Variants in MRPS33 observed in about 807,000 individuals in gnomAD.
MRPS33 encodes the protein mitochondrial ribosomal protein S33.
A neutral mutation model predicts 11.2 loss-of-function variants in MRPS33; 11 were observed. The ratio of observed to expected loss-of-function variants is 0.99; its 90% CI spans 0.62 to 1.63. The LOEUF (loss-of-function observed/expected upper bound fraction) is 1.63. MRPS33 is among the 40% of genes most tolerant of loss of function. The pLI is 0.00. For missense variants in MRPS33, 109 were observed against 127.8 expected (o/e 0.85, Z 0.71); for synonymous variants, 46 against 44.0 (o/e 1.05, Z -0.18).
In MRPS33 at chr7:141,004,669, T is replaced by C. The variant is rs1347586125; in HGVS notation, c.*1761A>G. ...GTTAAGATCATTAATTTTATGTTTT[T>C]ACTACAATAATAAAAAGTTATTAAA... On this transcript the variant is annotated 3_prime_UTR_variant, in exon 3 of 3. Transcript: ENST00000324787. The C allele has an allele frequency of 6.6e-6, 1 of 152,236 alleles. No individual in the cohort carries two copies. Among genetic ancestry groups the C allele is most frequent in the East Asian group, 1.9e-4 (1 of 5,206 alleles). 9.4% of individuals were successfully genotyped at this position (152,236 alleles called of 1,614,324 possible).
At chr7:141,010,781 A>T in intron 1 of MRPS33, 121 bp from the exon 2 acceptor site, 1 of 728,376 alleles carries the variant, frequency 1.4e-6, no homozygotes, top group Non-Finnish European at 2.3e-6. Context: ...TGTTGGCAGG[A>T]TATGCCTTGG....
chr7:141,010,951 T>C (rs568761665), intron 1 of MRPS33, among the ~76,000 whole-genome samples: 21 of 152,370 alleles, frequency 1.4e-4, no homozygotes, highest in Admixed American at 1.2e-3. Context: ...ACAGTCAGTT[T>C]ACCTATTTGT....
At chr7:141,014,496 C>G (rs762312664) in intron 1 of MRPS33, 1 of 152,150 alleles carries the variant, frequency 6.6e-6, no homozygotes, top group Non-Finnish European at 1.5e-5. Flanking sequence ...TCAAGTCAAC[C>G]GATGTTTGAC....
At position 141,003,185 on chromosome 7, in the gene MRPS33, T is replaced by C. The variant is rs1820446407; in HGVS notation, c.*3245A>G. On this transcript the variant is annotated 3_prime_UTR_variant, in exon 3 of 3. Coordinates refer to ENST00000324787, the MANE Select transcript of MRPS33 (RefSeq NM_053035.3). ...ATCCCCACAGGTTAGAAAGCACCAA[T>C]AGTTTAGGTTTTGACCAGAGAAATC... is the stretch of plus-strand genomic sequence containing the variant. 6.6e-6 allele frequency: 1 copy of C among 152,232 alleles called. No individual in the cohort carries two copies. 9.4% of individuals were successfully genotyped at this position (152,232 alleles called of 1,614,324 possible). A position where few individuals can be genotyped will look rare whatever the true frequency, so the allele number is the denominator to read the frequency against.
At chr7:141,012,364 T>C (rs1026804146) in intron 1 of MRPS33, among the ~76,000 whole-genome samples, 4 of 152,080 alleles carry the variant, frequency 2.6e-5, no homozygotes, top group Admixed American at 1.3e-4. Context: ...TGTTCTTCCT[T>C]TTCCATTCAG....
At chr7:141,011,126 C>T (rs1267682062) in intron 1 of MRPS33, among the ~76,000 whole-genome samples, 1 of 152,170 alleles carries the variant, frequency 6.6e-6, no homozygotes, top group Non-Finnish European at 1.5e-5. Context: ...TACTATCAGT[C>T]CTTTGAACAC....
At chr7:141,007,098 A>G (rs1364257935) in intron 2 of MRPS33, among the ~76,000 whole-genome samples, 2 of 152,212 alleles carry the variant, frequency 1.3e-5, no homozygotes, top group African/African-American at 4.8e-5. Context: ...AGCAGCCAGG[A>G]CTACGTAAGT....
intron 1 of MRPS33, among the ~76,000 whole-genome samples, chr7:141,012,071 TGAG>T (rs924407413): frequency 6.9e-5 from 10 of 145,534 alleles, no homozygotes; most frequent in East Asian, 4.2e-4. Flanking sequence ...TCGTGGAGGC[TGAG>T]GAGGGGGACA....
chr7:141,007,896 A>G (rs1272202640), intron 2 of MRPS33, among the ~76,000 whole-genome samples: 1 of 152,108 alleles, frequency 6.6e-6, no homozygotes, highest in Non-Finnish European at 1.5e-5. Context: ...TCAACTTTGT[A>G]ACAGATCCTA....
chr7:141,010,571 T>C lies in MRPS33; in HGVS notation c.63A>G (p.Glu21=), dbSNP rs991251295. 6.2e-6 allele frequency: 10 copies of C among 1,614,066 alleles called. No homozygotes were observed. The highest frequency in any genetic ancestry group is 8.5e-6 in the Non-Finnish European group (10 of 1,180,036). Residue 21 remains glutamate, a synonymous_variant, in exon 2 of 3, where the codon GAA becomes GAG. Coordinates refer to ENST00000324787, the MANE Select transcript of MRPS33 (RefSeq NM_053035.3). ...MSRLSARLFG[E]VTRPTNSKSM... Reference sequence around the variant, plus strand: ...ACTTGGAATTAGTAGGCCTGGTGACTTCACCAAATAGCCGGGCACTGAGAC... The same window carrying C: ...ACTTGGAATTAGTAGGCCTGGTGACCTCACCAAATAGCCGGGCACTGAGAC...
Position 141,003,126 on chromosome 7 carries a change from C to G in MRPS33, c.*3304G>C, listed in dbSNP as rs1363747824. On this transcript the variant is annotated 3_prime_UTR_variant, in exon 3 of 3. Transcript: ENST00000324787. Reference sequence around the variant, plus strand: ...AACCCAGTCTTTTTACTATGTTATGCTGAAATCGAGGGCAAAATGGTCTAT... The same window carrying G: ...AACCCAGTCTTTTTACTATGTTATGGTGAAATCGAGGGCAAAATGGTCTAT... 2.6e-5 allele frequency: 4 copies of G among 152,264 alleles called. No homozygotes were observed. The East Asian group carries it at 7.7e-4, about 29-fold the overall frequency. The allele number at this position is 152,264 out of a possible 1,614,324, so 9.4% of individuals were successfully genotyped here. A position where few individuals can be genotyped will look rare whatever the true frequency, so the allele number is the denominator to read the frequency against.
chr7:141,006,603 C>G, intron 2 of MRPS33, 68 bp from the exon 3 acceptor site: 1 of 1,251,374 alleles, frequency 8.0e-7, no homozygotes, highest in Non-Finnish European at 1.2e-6. Context: ...TAATCTAGCA[C>G]GCACTGCTCT....
intron 2 of MRPS33, 91 bp from the exon 3 acceptor site, chr7:141,006,626 T>C: frequency 9.4e-7 from 1 of 1,060,632 alleles, no homozygotes; most frequent in East Asian, 2.4e-5. Flanking sequence ...TAGGTCATTC[T>C]GGTTATCGAT....
In MRPS33 at chr7:141,009,436, CT is replaced by C. The variant is rs61410427; in HGVS notation, c.215+982del. ...CCTGAGCCATTGTGCCTGGCCTGATCTTTTTTTTTTTTTCAGAGATGCACAC... is the reference window on the plus strand; with the variant it reads ...CCTGAGCCATTGTGCCTGGCCTGATCTTTTTTTTTTTTCAGAGATGCACAC... On this transcript the variant is annotated intron_variant, in intron 2 of 2. Transcript: ENST00000324787. 8.1e-4 allele frequency among the ~76,000 whole-genome samples: 121 copies of C among 149,940 alleles called. 3 individuals carry two copies. The East Asian group carries it at 0.011, about 14-fold the overall frequency.
chr7:141,008,444 A>T lies in MRPS33; in HGVS notation c.216-1909T>A, dbSNP rs143620932. On this transcript the variant is annotated intron_variant, in intron 2 of 2. Transcript: ENST00000324787. ...AGGTAGTCCCAAAGCAATTCCAAAC[A>T]TTCAAAACATGTCATAGATTGTAAC... Among the ~76,000 whole-genome samples, 685 of 152,310 alleles carry T rather than the reference A, an allele frequency of 4.5e-3. 9 individuals carry two copies. Among genetic ancestry groups the T allele is most frequent in the African/African-American group, 0.015 (607 of 41,568 alleles).
Position 141,006,033 on chromosome 7 carries a change from A to C in MRPS33, c.*397T>G, listed in dbSNP as rs185450582. ...GTGGAGACAGTGGCTGAAAGGCCCA[A>C]GATGAAAGAAGTTTAGGGCTGGGTG... is the stretch of plus-strand genomic sequence containing the variant. On this transcript the variant is annotated 3_prime_UTR_variant, in exon 3 of 3. Coordinates refer to ENST00000324787, the MANE Select transcript of MRPS33 (RefSeq NM_053035.3). 2.3e-5 allele frequency: 4 copies of C among 176,120 alleles called. No individual in the cohort carries two copies. In the East Asian group the frequency reaches 6.5e-4, roughly 29 times the overall value. 10.9% of individuals were successfully genotyped at this position (176,120 alleles called of 1,614,324 possible). A position where few individuals can be genotyped will look rare whatever the true frequency, so the allele number is the denominator to read the frequency against.
chr7:141,014,042 A>G (rs1820741868), intron 1 of MRPS33, among the ~76,000 whole-genome samples: 1 of 152,208 alleles, frequency 6.6e-6, no homozygotes, highest in African/African-American at 2.4e-5. Context: ...CAGTTTCCCA[A>G]AAACCATTGG....
rs967561657 is a variant in MRPS33 at position 141,005,196 on chromosome 7, CCT to C, written c.*1232_*1233del. 3 of 152,188 alleles carry C rather than the reference CCT, an allele frequency of 2.0e-5. No homozygotes were observed. The highest frequency in any genetic ancestry group is 1.9e-4 in the East Asian group (1 of 5,190). The allele number at this position is 152,188 out of a possible 1,614,324, so 9.4% of individuals were successfully genotyped here. Reference sequence around the variant, plus strand: ...ATTTCCAAAGCCCTTCATGATCTGGCCTCTGTTTTCTTACAGCCAACCATGAA... The same window carrying C: ...ATTTCCAAAGCCCTTCATGATCTGGCCTGTTTTCTTACAGCCAACCATGAA... On this transcript the variant is annotated 3_prime_UTR_variant, in exon 3 of 3. Coordinates refer to ENST00000324787, the MANE Select transcript of MRPS33 (RefSeq NM_053035.3).
At chr7:141,013,681 C>T (rs986974643) in intron 1 of MRPS33, among the ~76,000 whole-genome samples, 1 of 152,142 alleles carries the variant, frequency 6.6e-6, no homozygotes, top group Non-Finnish European at 1.5e-5. Flanking sequence ...GAAAACTGTA[C>T]TCTCATGAAA....
Sources: allele counts gnomAD v4.1 joint callset (sites outside exome capture counted in the v4.1 genomes callset), GRCh38; gene constraint gnomAD v4.1.1; transcripts MANE v1.5; gene names NCBI Gene and HGNC (gene_info 2026-07-23, HGNC 2026-07-21).